Variants in XYLT1 observed in about 807,000 individuals in gnomAD.
The protein encoded by XYLT1 is beta-D-xylosyltransferase 1.
Under a neutral mutation model 91.3 loss-of-function variants are expected in XYLT1, and 36 were observed. That is an observed-to-expected ratio of 0.39 (90% CI 0.30 to 0.52). The LOEUF is 0.52. Among genes scored for constraint, XYLT1 ranks in the 20% least tolerant of loss-of-function variants. The probability of loss-of-function intolerance (pLI) is 0.68; values close to 1 mark genes in which losing one functional copy is unlikely to be tolerated. For synonymous variants in XYLT1, 588 were observed against 532.0 expected (o/e 1.11, Z -1.45); for missense variants, 1,242 against 1,284.5 (o/e 0.97, Z 0.51).
chr16:17,293,253 G>C (rs2034257568), intron 2 of XYLT1, among the ~76,000 whole-genome samples: 1 of 152,050 alleles, frequency 6.6e-6, no homozygotes, highest in Non-Finnish European at 1.5e-5. Flanking sequence ...GCATCCCCGA[G>C]TTTACCTCCA....
intron 9 of XYLT1, among the ~76,000 whole-genome samples, chr16:17,131,995 T>G (rs2030500199): frequency 6.8e-6 from 1 of 147,614 alleles, no homozygotes; most frequent in South Asian, 2.2e-4. Context: ...CGAGGCAACG[T>G]GACGGCTCAC....
intron 3 of XYLT1, among the ~76,000 whole-genome samples, chr16:17,242,302 T>C (rs1016483173): frequency 1.3e-5 from 2 of 152,338 alleles, no homozygotes; most frequent in South Asian, 2.1e-4. Flanking sequence ...TATCTACACA[T>C]TGAGTTGAGT....
At position 17,225,979 on chromosome 16, in the gene XYLT1, A is replaced by G. The variant is rs142242161; in HGVS notation, c.914-25325T>C. Among the ~76,000 whole-genome samples, 432 of 152,326 alleles carry G rather than the reference A, an allele frequency of 2.8e-3. 2 individuals carry two copies. The highest frequency in any genetic ancestry group is 9.6e-3 in the African/African-American group (401 of 41,580). ...AAGAACATCTGCAAAAAATTATAAA[A>G]AAAAATCTGCATGTATTCATTTCAG... On this transcript the variant is annotated intron_variant, in intron 3 of 11. Transcript: ENST00000261381.
intron 7 of XYLT1, 24 bp downstream of exon 7, chr16:17,141,129 G>C: frequency 6.2e-7 from 1 of 1,607,988 alleles, no homozygotes; most frequent in South Asian, 1.1e-5. Context: ...TATCTTTCTT[G>C]GGAAAATTTT....
At chr16:17,467,204 A>G (rs1024895310) in intron 1 of XYLT1, among the ~76,000 whole-genome samples, 1 of 152,220 alleles carries the variant, frequency 6.6e-6, no homozygotes, top group Non-Finnish European at 1.5e-5. Flanking sequence ...GATTTCTTAA[A>G]TGAAACTTAC....
At chr16:17,137,161 T>C (rs1284896987) in intron 8 of XYLT1, among the ~76,000 whole-genome samples, 2 of 152,098 alleles carry the variant, frequency 1.3e-5, no homozygotes. Flanking sequence ...TGCAGTGTAC[T>C]CTGCATTCAT....
At chr16:17,247,373 C>G (rs567456092) in intron 3 of XYLT1, among the ~76,000 whole-genome samples, 1 of 152,136 alleles carries the variant, frequency 6.6e-6, no homozygotes, top group Admixed American at 6.5e-5. Flanking sequence ...ACTCATGGAA[C>G]GCCAAGAAAA....
intron 9 of XYLT1, among the ~76,000 whole-genome samples, chr16:17,134,268 C>G (rs2030617760): frequency 6.6e-6 from 1 of 152,120 alleles, no homozygotes; most frequent in Non-Finnish European, 1.5e-5. Context: ...TATCTGGTAT[C>G]TGAGAAAGTA....
At chr16:17,395,950 G>A (rs569652886) in intron 1 of XYLT1, among the ~76,000 whole-genome samples, 1 of 152,278 alleles carries the variant, frequency 6.6e-6, no homozygotes, top group Admixed American at 6.5e-5. Context: ...AAGGCGCCAC[G>A]GCAGAGAGAT....
intron 1 of XYLT1, among the ~76,000 whole-genome samples, chr16:17,448,636 A>T (rs993936168): frequency 2.7e-5 from 4 of 149,050 alleles, no homozygotes; most frequent in African/African-American, 9.7e-5. Flanking sequence ...TCCTCCTCCT[A>T]CAAGAATCAA....
At position 17,382,764 on chromosome 16, in the gene XYLT1, C is replaced by T. The variant is rs184648171; in HGVS notation, c.364-24714G>A. 1.5e-4 allele frequency among the ~76,000 whole-genome samples: 23 copies of T among 151,992 alleles called. 4 individuals carry two copies. The East Asian group carries it at 1.6e-3, about 11-fold the overall frequency. On this transcript the variant is annotated intron_variant, in intron 1 of 11. Transcript: ENST00000261381. ...ATAACAGTCCCCATACTCCAGATAA[C>T]GGTCCCCATACTGGCACTCACTATC...
intron 5 of XYLT1, among the ~76,000 whole-genome samples, chr16:17,163,422 G>A (rs1224441279): frequency 6.6e-6 from 1 of 152,226 alleles, no homozygotes; most frequent in Non-Finnish European, 1.5e-5. Flanking sequence ...CCTGTTTGCT[G>A]GTGGCATGTG....
chr16:17,337,510 C>A (rs1567380876), intron 2 of XYLT1, among the ~76,000 whole-genome samples: 1 of 152,016 alleles, frequency 6.6e-6, no homozygotes, highest in Non-Finnish European at 1.5e-5. Context: ...ATTGAACTTG[C>A]AGCATTGCAA....
At chr16:17,120,585 A>G (rs1408316655) in intron 10 of XYLT1, among the ~76,000 whole-genome samples, 1 of 152,116 alleles carries the variant, frequency 6.6e-6, no homozygotes, top group Non-Finnish European at 1.5e-5. Context: ...TCTACTCATA[A>G]GTCTTTCCTG....
intron 4 of XYLT1, among the ~76,000 whole-genome samples, 199 bp from the exon 5 acceptor site, chr16:17,198,613 A>T (rs2141587531): frequency 6.6e-6 from 1 of 152,178 alleles, no homozygotes; most frequent in South Asian, 2.1e-4. Context: ...TTACATTTCA[A>T]ATTAGCTATT....
intron 5 of XYLT1, among the ~76,000 whole-genome samples, chr16:17,170,694 G>A (rs2031801211): frequency 6.6e-6 from 1 of 152,158 alleles, no homozygotes; most frequent in Admixed American, 6.5e-5. Context: ...TTATGGCTGA[G>A]AACAGATGCC....
At chr16:17,111,219 G>C (rs372198154) in intron 11 of XYLT1, among the ~76,000 whole-genome samples, 2 of 152,118 alleles carry the variant, frequency 1.3e-5, no homozygotes, top group Non-Finnish European at 2.9e-5. Flanking sequence ...TAACATGTAC[G>C]TAAGAGTGAC....
intron 2 of XYLT1, among the ~76,000 whole-genome samples, chr16:17,267,908 CACTT>C (rs2141769166): frequency 6.6e-6 from 1 of 151,510 alleles, no homozygotes; most frequent in Admixed American, 6.6e-5. Context: ...GAATTTAAAA[CACTT>C]AATACCTAGA....
chr16:17,147,271 C>T (rs2125190), intron 6 of XYLT1, among the ~76,000 whole-genome samples: 19,146 of 152,132 alleles, frequency 0.13, 1,669 homozygotes, highest in African/African-American at 0.25. Flanking sequence ...AATGTCCAGT[C>T]GATGCACTTA....
Sources: gnomAD v4.1 joint callset for allele counts (sites outside exome capture counted in the v4.1 genomes callset) on GRCh38, gnomAD v4.1.1 for gene constraint, MANE v1.5 for transcripts, NCBI Gene and HGNC (gene_info 2026-07-23, HGNC 2026-07-21) for gene names.